Variants in HYOU1 observed in about 807,000 individuals in gnomAD.
The protein encoded by HYOU1 is hypoxia up-regulated protein 1.
A neutral mutation model predicts 120.5 loss-of-function variants in HYOU1; 40 were observed. That is an observed-to-expected ratio of 0.33 (90% confidence interval 0.26 to 0.43). HYOU1 has a LOEUF of 0.43. HYOU1 is among the 20% of genes least tolerant of loss of function. HYOU1 has a pLI of 1.00. For synonymous variants in HYOU1, 501 were observed against 479.4 expected, an observed-to-expected ratio of 1.05 and a Z score of -0.59; for missense variants, 1,085 against 1,278.3, an observed-to-expected ratio of 0.85 and a Z score of 2.31.
At chr11:119,056,627 G>T (rs80093855) in intron 1 of HYOU1, among the ~76,000 whole-genome samples, 1 of 152,252 alleles carries the variant, frequency 6.6e-6, no homozygotes, top group Non-Finnish European at 1.5e-5. Flanking sequence ...AATGACGTTG[G>T]GGGTAGCTAG....
chr11:119,045,231 C>A lies in HYOU1; in HGVS notation c.*362G>T, dbSNP rs1462620491. ...TCACCAGAGAAGAGTGGAAACTCCC[C>A]AGCAACCTGATACCCTTCCCATCAC... is the stretch of plus-strand genomic sequence containing the variant. On this transcript the variant is annotated 3_prime_UTR_variant, in exon 26 of 26. Coordinates refer to ENST00000617285, the MANE Select transcript of HYOU1 (RefSeq NM_006389.5). 6.3e-6 allele frequency: 3 copies of A among 479,494 alleles called. 1 individual carries two copies. Among genetic ancestry groups the A allele is most frequent in the African/African-American group, 5.8e-5 (3 of 51,458 alleles). 29.7% of individuals were successfully genotyped at this position (479,494 alleles called of 1,614,324 possible).
chr11:119,049,233 C>A, intron 16 of HYOU1, 30 bp from the exon 17 acceptor site: 1 of 1,586,502 alleles, frequency 6.3e-7, no homozygotes, highest in Admixed American at 1.8e-5. Flanking sequence ...CCCCAGGGAA[C>A]GATCAGGAGC....
At position 119,044,917 on chromosome 11, in the gene HYOU1, GGAAATAC is replaced by G; in HGVS notation, c.*669_*675del. ...CTCCCTCCTCTGGCCACTAGGGGTG[GGAAATAC>G]GAGTGAGAATCCTTCCAGATTTACT... On this transcript the variant is annotated 3_prime_UTR_variant, in exon 26 of 26. Coordinates refer to ENST00000617285, the MANE Select transcript of HYOU1 (RefSeq NM_006389.5). The G allele has an allele frequency of 3.1e-6, 1 of 322,190 alleles. No homozygotes were observed. The highest frequency in any genetic ancestry group is 7.6e-5 in the East Asian group (1 of 13,104). The allele number at this position is 322,190 out of a possible 1,614,324, so 20.0% of individuals were successfully genotyped here.
rs1198555324 is a variant in HYOU1 at position 119,044,377 on chromosome 11, A to T, written c.*1216T>A. ...CCAATGTGGCAAAAAAAAAAAAAAA[A>T]GGAAAAGACAAAATGACTGACACAG... On this transcript the variant is annotated 3_prime_UTR_variant, in exon 26 of 26. Transcript: ENST00000617285. 1.3e-5 allele frequency: 2 copies of T among 150,500 alleles called. No homozygotes were observed. The highest frequency in any genetic ancestry group is 3.0e-5 in the Non-Finnish European group (2 of 67,652). The allele number at this position is 150,500 out of a possible 1,614,324, so 9.3% of individuals were successfully genotyped here.
Position 119,057,079 on chromosome 11 carries a change from G to A in HYOU1, c.-67C>T, listed in dbSNP as rs1235105858. On this transcript the variant is annotated 5_prime_UTR_variant, in exon 1 of 26. Transcript: ENST00000617285. Reference sequence around the variant, plus strand: ...ACAGACGCGGCACGAACGTACCCACGAGGCCGGCAGCGCCCCCCACCCGCG... The same window carrying A: ...ACAGACGCGGCACGAACGTACCCACAAGGCCGGCAGCGCCCCCCACCCGCG... The A allele has an allele frequency of 2.6e-5, 4 of 152,176 alleles. No homozygotes were observed. The East Asian group carries it at 7.8e-4, about 29-fold the overall frequency. 9.4% of individuals were successfully genotyped at this position (152,176 alleles called of 1,614,324 possible).
chr11:119,048,206 A>G lies in HYOU1; in HGVS notation c.2376+42T>C. On this transcript the variant is annotated intron_variant, in intron 20 of 25. Coordinates refer to ENST00000617285, the MANE Select transcript of HYOU1 (RefSeq NM_006389.5). This position sits in a 1 kb window ranked among gnomAD's most constrained non-coding sequence, Gnocchi z 4.7. ...TCTCTCTGACCCTGGGAGAGGAAGGAGAGCTCCCACTCCACCTGCCATGTC... is the reference window on the plus strand; with the variant it reads ...TCTCTCTGACCCTGGGAGAGGAAGGGGAGCTCCCACTCCACCTGCCATGTC... 1 of 1,606,474 alleles carries G rather than the reference A, an allele frequency of 6.2e-7. No individual in the cohort carries two copies. Among genetic ancestry groups the G allele is most frequent in the Non-Finnish European group, 8.5e-7 (1 of 1,176,838 alleles).
Position 119,056,086 on chromosome 11 carries a change from G to A in HYOU1, c.75C>T (p.Asp25=), listed in dbSNP as rs782426345. 3.1e-6 allele frequency: 5 copies of A among 1,613,864 alleles called. No individual in the cohort carries two copies. The East Asian group carries it at 1.1e-4, about 36-fold the overall frequency. Residue 25 remains aspartate (D), a synonymous_variant, in exon 2 of 26, where the codon GAC becomes GAT. Transcript: ENST00000617285. The stretch of plus-strand genomic sequence containing the variant: ...GGTACATACCACTCAGTGCCAACAG[G>A]TCTGCCAAGAGCACAGCCACCAAGG... The part of the protein sequence containing the change: ...CWALVAVLLA[D]LLALSDTLAV...
chr11:119,052,930 A>AG lies in HYOU1; in HGVS notation c.795-102dup. 1 of 1,124,288 alleles carries AG rather than the reference A, an allele frequency of 8.9e-7. No individual in the cohort carries two copies. Among genetic ancestry groups the AG allele is most frequent in the Non-Finnish European group, 1.2e-6 (1 of 801,376 alleles). 69.6% of individuals were successfully genotyped at this position (1,124,288 alleles called of 1,614,324 possible). On this transcript the variant is annotated intron_variant, in intron 8 of 25. Transcript: ENST00000617285. The surrounding 1 kb of genome is among the most constrained non-coding windows in gnomAD (Gnocchi z 5.0). The stretch of plus-strand genomic sequence containing the variant: ...CCACATGGCACCTTTCCTTCATCTC[A>AG]GGGGACCTTGTTCATCTCCAGTGCC...
intron 16 of HYOU1, 27 bp downstream of exon 16, chr11:119,049,529 G>A (rs2133573772): frequency 3.4e-5 from 54 of 1,611,352 alleles, no homozygotes; most frequent in Non-Finnish European, 4.3e-5. Flanking sequence ...CGTCCTCCAT[G>A]CTTCCCTGGC....
rs1207714464 is a variant in HYOU1 at position 119,051,223 on chromosome 11, C to T, written c.1527-50G>A. The stretch of plus-strand genomic sequence containing the variant: ...CAGGGGGACCCACCCCAGCCCATCT[C>T]GCCCTCTAGACTACATGGCCTCCTG... On this transcript the variant is annotated intron_variant, in intron 13 of 25. Transcript: ENST00000617285. This position sits in a 1 kb window ranked among gnomAD's most constrained non-coding sequence, Gnocchi z 4.2. The T allele has an allele frequency of 9.3e-6, 15 of 1,609,128 alleles. No individual in the cohort carries two copies. The highest frequency in any genetic ancestry group is 1.6e-4 in the Middle Eastern group (1 of 6,074).
chr11:119,054,335 C>A, intron 7 of HYOU1, 99 bp from the exon 8 acceptor site: 1 of 1,231,818 alleles, frequency 8.1e-7, no homozygotes, highest in Non-Finnish European at 1.2e-6. Context: ...TGACTCTTAA[C>A]ACAAAACTAA....
In HYOU1 at chr11:119,046,679, T is replaced by C; in HGVS notation, c.2719A>G (p.Asn907Asp). The change falls in exon 23 of 26, where the codon AAT becomes GAT. Residue 907 changes from asparagine to aspartate, a missense_variant. By Grantham distance (23) the Asn-to-Asp change is conservative. Coordinates refer to ENST00000617285, the MANE Select transcript of HYOU1 (RefSeq NM_006389.5). The part of the protein sequence containing the change: ...ALDREVQYLL[N>D]KAKFTKPRPR... ...CGGGGCTTGGTAAACTTGGCCTTAT[T>C]GAGCAGATACTGCACCTCTCGGTCC... 1 of 1,614,134 alleles carries C rather than the reference T, an allele frequency of 6.2e-7. No homozygotes were observed. Among genetic ancestry groups the C allele is most frequent in the Non-Finnish European group, 8.5e-7 (1 of 1,180,042 alleles).
chr11:119,050,351 T>C (rs2133578449), intron 14 of HYOU1, among the ~76,000 whole-genome samples: 33 of 151,924 alleles, frequency 2.2e-4, no homozygotes, highest in African/African-American at 8.0e-4. Context: ...AGGCGGAGGT[T>C]GCAAGATCAC....
In HYOU1 at chr11:119,055,195, G is replaced by C. The variant is rs2133610973; in HGVS notation, c.409C>G (p.Gln137Glu). 2 of 1,613,832 alleles carry C rather than the reference G, an allele frequency of 1.2e-6. No homozygotes were observed. The highest frequency in any genetic ancestry group is 1.7e-5 in the Admixed American group (1 of 60,000). The part of the protein sequence containing the change: ...FDPQRQTVHF[Q>E]ISSQLQFSPE... The stretch of plus-strand genomic sequence containing the variant: ...CAACAGAGCACTCACGAGCTGATCT[G>C]AAAGTGCACAGTCTGCCTCTGTGGG... The change falls in exon 5 of 26, where the codon CAG becomes GAG. Residue 137 changes from glutamine (Q) to glutamate (E), a missense_variant. Around this residue, in one of 4 missense-constraint regions of HYOU1, gnomAD observed 515 missense variants for 677.8 expected, o/e 0.76. Transcript: ENST00000617285. This position sits in a 1 kb window ranked among gnomAD's most constrained non-coding sequence, Gnocchi z 4.0.
chr11:119,049,917 C>T, intron 14 of HYOU1, 80 bp from the exon 15 acceptor site: 1 of 1,222,520 alleles, frequency 8.2e-7, no homozygotes, highest in Non-Finnish European at 1.2e-6. Context: ...TGGGTGTTTG[C>T]TTATGCACAC....
In HYOU1 at chr11:119,051,198, CA is replaced by C. The variant is rs1565714367; in HGVS notation, c.1527-26del. 2.5e-6 allele frequency: 4 copies of C among 1,613,714 alleles called. No homozygotes were observed. The highest frequency in any genetic ancestry group is 3.4e-6 in the Non-Finnish European group (4 of 1,179,814). ...CCTGGTTGGGAAGGAAAGAGGAGTTCAGGGGGACCCACCCCAGCCCATCTCG... is the reference window on the plus strand; with the variant it reads ...CCTGGTTGGGAAGGAAAGAGGAGTTCGGGGGACCCACCCCAGCCCATCTCG... On this transcript the variant is annotated intron_variant, in intron 13 of 25. Coordinates refer to ENST00000617285, the MANE Select transcript of HYOU1 (RefSeq NM_006389.5). The surrounding 1 kb of genome is among the most constrained non-coding windows in gnomAD (Gnocchi z 4.2).
intron 16 of HYOU1, 73 bp from the exon 17 acceptor site, chr11:119,049,276 C>T (rs2133571528): frequency 1.6e-5 from 25 of 1,590,714 alleles, no homozygotes; most frequent in East Asian, 1.1e-4. Context: ...TCGGCACCGC[C>T]GACCCCATGG....
In HYOU1 at chr11:119,052,557, C is replaced by A; in HGVS notation, c.987+80G>T. 1.9e-6 allele frequency: 3 copies of A among 1,569,136 alleles called. No homozygotes were observed. Among genetic ancestry groups the A allele is most frequent in the Non-Finnish European group, 1.7e-6 (2 of 1,152,172 alleles). ...GGAGGAGCATGGGCCATGCCAGGCA[C>A]GAGCAGCCCAGTTCAGTGGCAGGGT... is the stretch of plus-strand genomic sequence containing the variant. On this transcript the variant is annotated intron_variant, in intron 9 of 25. Coordinates refer to ENST00000617285, the MANE Select transcript of HYOU1 (RefSeq NM_006389.5). The surrounding 1 kb of genome is among the most constrained non-coding windows in gnomAD (Gnocchi z 5.0).
intron 16 of HYOU1, 73 bp from the exon 17 acceptor site, chr11:119,049,276 C>A (rs2133571528): frequency 6.3e-7 from 1 of 1,590,830 alleles, no homozygotes; most frequent in Non-Finnish European, 8.5e-7. Context: ...TCGGCACCGC[C>A]GACCCCATGG....
Sources: allele counts gnomAD v4.1 joint callset (sites outside exome capture counted in the v4.1 genomes callset), GRCh38; gene constraint gnomAD v4.1.1; regional missense constraint gnomAD v4.1.1; non-coding constraint Gnocchi (gnomAD v3.1); transcripts MANE v1.5; gene names NCBI Gene and HGNC (gene_info 2026-07-23, HGNC 2026-07-21).